KALRN: variants seen among roughly 807,000 people sequenced by gnomAD.
KALRN encodes the protein kalirin.
A neutral mutation model predicts 353.7 loss-of-function variants in KALRN; 70 were observed. The ratio of observed to expected loss-of-function variants is 0.20; its 90% confidence interval spans 0.16 to 0.24. The LOEUF is 0.24. Ranked by LOEUF, KALRN falls within the 10% of genes least tolerant of loss-of-function variation. KALRN has a pLI of 1.00. For missense variants in KALRN, 2,791 were observed against 3,756.7 expected (o/e 0.74, Z 6.72); for synonymous variants, 1,391 against 1,434.8 (o/e 0.97, Z 0.69).
At chr3:124,518,441 T>G in intron 33 of KALRN, 2 of 1,613,982 alleles carry the variant, frequency 1.2e-6, no homozygotes, top group Non-Finnish European at 1.7e-6. Flanking sequence ...GACCTGGAGA[T>G]CCTTTCTCCA....
intron 34 of KALRN, among the ~76,000 whole-genome samples, chr3:124,590,373 T>C (rs2075655184): frequency 1.3e-5 from 2 of 152,136 alleles, no homozygotes; most frequent in African/African-American, 4.8e-5. Flanking sequence ...AATGGTTCCA[T>C]AGGGTATAGG....
chr3:124,579,369 G>A (rs1350965992), intron 34 of KALRN, among the ~76,000 whole-genome samples: 1 of 152,196 alleles, frequency 6.6e-6, no homozygotes, highest in Admixed American at 6.5e-5. Flanking sequence ...ATGGACTTAG[G>A]CTGCAGGTAT....
chr3:124,661,262 C>G (rs1285181279), intron 44 of KALRN, among the ~76,000 whole-genome samples: 1 of 152,194 alleles, frequency 6.6e-6, no homozygotes, highest in Non-Finnish European at 1.5e-5. Flanking sequence ...TAATATCCTT[C>G]AGAGATTAGA....
intron 33 of KALRN, chr3:124,518,626 C>T: frequency 6.7e-7 from 1 of 1,491,554 alleles, no homozygotes; most frequent in African/African-American, 1.4e-5. Context: ...GCAAAATCTC[C>T]CCGCCTGGGC....
chr3:124,419,809 A>G (rs962317572), intron 14 of KALRN, among the ~76,000 whole-genome samples: 1 of 152,248 alleles, frequency 6.6e-6, no homozygotes, highest in African/African-American at 2.4e-5. Context: ...TTTCCTCACA[A>G]ATACATTCCG....
At chr3:124,673,155 C>G (rs1391370511) in intron 48 of KALRN, among the ~76,000 whole-genome samples, 1 of 151,890 alleles carries the variant, frequency 6.6e-6, no homozygotes, top group African/African-American at 2.4e-5. Context: ...GAGGCCAAGG[C>G]AGGGTGATGG....
intron 1 of KALRN, among the ~76,000 whole-genome samples, chr3:124,084,899 T>C (rs2060726137): frequency 6.6e-6 from 1 of 152,182 alleles, no homozygotes; most frequent in African/African-American, 2.4e-5. Flanking sequence ...TTCAGAGTCT[T>C]CCATATGCAG....
At chr3:124,619,886 T>A (rs907033346) in intron 34 of KALRN, among the ~76,000 whole-genome samples, 1 of 152,216 alleles carries the variant, frequency 6.6e-6, no homozygotes, top group African/African-American at 2.4e-5. Flanking sequence ...GGTTCCCTTT[T>A]CTCTACATTC....
chr3:124,662,716 T>C (rs756755545), intron 45 of KALRN, among the ~76,000 whole-genome samples: 35 of 152,174 alleles, frequency 2.3e-4, no homozygotes, highest in Non-Finnish European at 4.0e-4. Context: ...AACATACAAG[T>C]TTACTAGGGC....
chr3:124,122,715 C>A (rs763108166), intron 1 of KALRN, among the ~76,000 whole-genome samples: 9 of 152,166 alleles, frequency 5.9e-5, no homozygotes, highest in Non-Finnish European at 1.3e-4. Flanking sequence ...AACTGCTCCA[C>A]CTACCAGCTG....
chr3:124,627,049 T>C (rs369989109), intron 34 of KALRN, among the ~76,000 whole-genome samples: 4 of 152,352 alleles, frequency 2.6e-5, no homozygotes, highest in East Asian at 3.9e-4. Context: ...TCTAGAAAGA[T>C]AGTAAAATAA....
chr3:124,255,956 G>A (rs116652294), intron 3 of KALRN, among the ~76,000 whole-genome samples: 3,071 of 152,282 alleles, frequency 0.02, 75 homozygotes, highest in Non-Finnish European at 0.028. Context: ...CTGTTTTAGC[G>A]AGGAGGAGAT....
intron 19 of KALRN, among the ~76,000 whole-genome samples, chr3:124,445,002 G>A (rs973916722): frequency 6.6e-6 from 1 of 152,084 alleles, no homozygotes; most frequent in Non-Finnish European, 1.5e-5. Flanking sequence ...TACCATCTTC[G>A]TAAAGCATAG....
At chr3:124,289,226 A>AAAGGCCTCCCC (rs2076215493) in intron 5 of KALRN, among the ~76,000 whole-genome samples, 1 of 152,176 alleles carries the variant, frequency 6.6e-6, no homozygotes, top group Admixed American at 6.6e-5. Flanking sequence ...ATTACCTCCC[A>AAAGGCCTCCCC]AAGGCCTCCC....
At chr3:124,559,649 C>G (rs1409398975) in intron 33 of KALRN, among the ~76,000 whole-genome samples, 2 of 152,212 alleles carry the variant, frequency 1.3e-5, no homozygotes, top group Non-Finnish European at 2.9e-5. Context: ...CTCCCAGCAT[C>G]TCCCTGAGTA....
At chr3:124,453,954 A>G (rs1302316553) in intron 21 of KALRN, among the ~76,000 whole-genome samples, 1 of 152,112 alleles carries the variant, frequency 6.6e-6, no homozygotes, top group Non-Finnish European at 1.5e-5. Flanking sequence ...TGAAATGAAG[A>G]TTTTTTTCCT....
chr3:124,409,451 G>A (rs1333517664), intron 13 of KALRN, among the ~76,000 whole-genome samples: 1 of 152,198 alleles, frequency 6.6e-6, no homozygotes, highest in Non-Finnish European at 1.5e-5. Flanking sequence ...TCGGGTCTAG[G>A]TGTTGTCGTG....
intron 1 of KALRN, among the ~76,000 whole-genome samples, chr3:124,070,054 A>G (rs984611307): frequency 2.3e-4 from 35 of 152,200 alleles, no homozygotes; most frequent in African/African-American, 8.2e-4. Flanking sequence ...GAAGAAAAAT[A>G]AGGAGGTGAT....
intron 34 of KALRN, among the ~76,000 whole-genome samples, chr3:124,569,820 C>G (rs984916589): frequency 6.6e-6 from 1 of 152,240 alleles, no homozygotes; most frequent in African/African-American, 2.4e-5. Flanking sequence ...CCAAATGCCC[C>G]ACTCTCTAGG....
Sources: gnomAD v4.1 joint callset for allele counts (sites outside exome capture counted in the v4.1 genomes callset) on GRCh38, gnomAD v4.1.1 for gene constraint, MANE v1.5 for transcripts, NCBI Gene and HGNC (gene_info 2026-07-23, HGNC 2026-07-21) for gene names.